Variants in SLC35F1 observed in about 807,000 individuals in gnomAD.
The protein encoded by SLC35F1 is chromosome 6 open reading frame 169.
SLC35F1 carries 14 observed loss-of-function variants against 48.7 expected under a neutral mutation model. The ratio of observed to expected loss-of-function variants is 0.29; its 90% CI spans 0.19 to 0.45. The LOEUF (loss-of-function observed/expected upper bound fraction) is 0.45, where lower values mean the gene tolerates loss of function less well. Among genes scored for constraint, SLC35F1 ranks in the 20% least tolerant of loss-of-function variants. The pLI, the probability that SLC35F1 is intolerant of heterozygous loss-of-function variation, is 1.00. For synonymous variants in SLC35F1, 190 were observed against 202.2 expected, an observed-to-expected ratio of 0.94 and a Z score of 0.51; for missense variants, 404 against 500.0, an observed-to-expected ratio of 0.81 and a Z score of 1.83.
At chr6:117,938,077 T>C (rs774177990) in intron 1 of SLC35F1, among the ~76,000 whole-genome samples, 5 of 152,156 alleles carry the variant, frequency 3.3e-5, no homozygotes, top group Non-Finnish European at 4.4e-5. Context: ...CCTGCTGAAA[T>C]CAGGCCTTAG....
At chr6:118,258,223 A>AT (rs1445905965) in intron 3 of SLC35F1, among the ~76,000 whole-genome samples, 1 of 152,152 alleles carries the variant, frequency 6.6e-6, no homozygotes, top group East Asian at 1.9e-4. Flanking sequence ...AACTCAGAAA[A>AT]GCTAACAGTA....
intron 3 of SLC35F1, among the ~76,000 whole-genome samples, chr6:118,260,826 C>A (rs1242428189): frequency 2.6e-5 from 4 of 152,154 alleles, no homozygotes; most frequent in Non-Finnish European, 5.9e-5. Flanking sequence ...TTTCATTTAA[C>A]CTATTTCTTC....
At chr6:118,290,418 A>G (rs1582772684) in intron 7 of SLC35F1, among the ~76,000 whole-genome samples, 1 of 151,944 alleles carries the variant, frequency 6.6e-6, no homozygotes, top group South Asian at 2.1e-4. Flanking sequence ...CTTCATTCTC[A>G]TTGTACTTAA....
intron 2 of SLC35F1, among the ~76,000 whole-genome samples, chr6:118,182,519 A>AGAAGGAAGGAAGGAAGGAAG (rs10529265): frequency 0.11 from 11,631 of 106,128 alleles, 1,149 homozygotes; most frequent in Admixed American, 0.19. Context: ...AGAGAGAGAG[A>AGAAGGAAGGAAGGAAGGAAG]GAAGGAAGGA....
intron 7 of SLC35F1, among the ~76,000 whole-genome samples, chr6:118,295,293 T>C (rs1468823373): frequency 6.6e-6 from 1 of 152,198 alleles, no homozygotes; most frequent in Non-Finnish European, 1.5e-5. Flanking sequence ...TCTGTACCTG[T>C]TATGTGCCAG....
chr6:117,932,031 C>T (rs918854144), intron 1 of SLC35F1, among the ~76,000 whole-genome samples: 1 of 152,160 alleles, frequency 6.6e-6, no homozygotes, highest in African/African-American at 2.4e-5. Flanking sequence ...CTGCCCTCAT[C>T]AATGGCATTG....
chr6:118,140,988 G>A (rs1024490001), intron 1 of SLC35F1, among the ~76,000 whole-genome samples: 1 of 152,074 alleles, frequency 6.6e-6, no homozygotes, highest in Non-Finnish European at 1.5e-5. Context: ...AGTTTATAAG[G>A]TAAGAAAGAT....
intron 3 of SLC35F1, among the ~76,000 whole-genome samples, chr6:118,250,367 T>C (rs1002340380): frequency 1.3e-5 from 2 of 152,186 alleles, no homozygotes; most frequent in African/African-American, 4.8e-5. Flanking sequence ...ACAGAAGGTG[T>C]TCCATAAATA....
chr6:118,080,581 A>G (rs1772893184), intron 1 of SLC35F1, among the ~76,000 whole-genome samples: 1 of 152,218 alleles, frequency 6.6e-6, no homozygotes, highest in Non-Finnish European at 1.5e-5. Context: ...CTGTGTGATT[A>G]TTGATTTCTG....
chr6:118,297,451 G>A (rs1776200161), intron 7 of SLC35F1, among the ~76,000 whole-genome samples: 1 of 151,938 alleles, frequency 6.6e-6, no homozygotes, highest in African/African-American at 2.4e-5. Context: ...TGCGAAAGCA[G>A]ATGGTCATCA....
chr6:118,214,090 A>G (rs1260458739), intron 2 of SLC35F1, among the ~76,000 whole-genome samples: 1 of 152,210 alleles, frequency 6.6e-6, no homozygotes. Context: ...GTTCACTACT[A>G]TGACACAAGA....
At chr6:118,175,286 T>A (rs938279024) in intron 2 of SLC35F1, among the ~76,000 whole-genome samples, 1 of 152,152 alleles carries the variant, frequency 6.6e-6, no homozygotes, top group African/African-American at 2.4e-5. Context: ...TCCACTTTCC[T>A]TGATCTCATT....
intron 2 of SLC35F1, among the ~76,000 whole-genome samples, chr6:118,218,254 C>A (rs970215729): frequency 3.3e-5 from 5 of 152,182 alleles, no homozygotes; most frequent in African/African-American, 1.2e-4. Flanking sequence ...CACCTGTTCA[C>A]AGTCAAGTTT....
intron 6 of SLC35F1, among the ~76,000 whole-genome samples, chr6:118,281,615 ATTC>A (rs1271999102): frequency 1.3e-5 from 2 of 152,106 alleles, no homozygotes; most frequent in Non-Finnish European, 2.9e-5. Flanking sequence ...CTCCTCTGTG[ATTC>A]TACCCCTGCT....
At chr6:118,020,233 T>C (rs1423069994) in intron 1 of SLC35F1, among the ~76,000 whole-genome samples, 1 of 152,230 alleles carries the variant, frequency 6.6e-6, no homozygotes, top group Middle Eastern at 3.2e-3. Context: ...ACAGACATGA[T>C]ATTCTTCATC....
intron 1 of SLC35F1, among the ~76,000 whole-genome samples, chr6:118,139,855 G>A (rs1773856937): frequency 6.6e-6 from 1 of 152,198 alleles, no homozygotes; most frequent in Admixed American, 6.5e-5. Flanking sequence ...TATCAAAGGA[G>A]CATTAAATGG....
At chr6:118,039,697 A>G (rs1377607201) in intron 1 of SLC35F1, among the ~76,000 whole-genome samples, 1 of 150,692 alleles carries the variant, frequency 6.6e-6, no homozygotes, top group Admixed American at 6.6e-5. Flanking sequence ...TGGTCTCCTG[A>G]GATTTCCTTT....
intron 1 of SLC35F1, among the ~76,000 whole-genome samples, chr6:118,129,329 A>G (rs1773676134): frequency 6.8e-6 from 1 of 146,426 alleles, no homozygotes; most frequent in Admixed American, 6.7e-5. Context: ...TGGGAATACG[A>G]AGAAGCAGGC....
At chr6:118,206,718 C>A (rs1378368525) in intron 2 of SLC35F1, among the ~76,000 whole-genome samples, 4 of 152,062 alleles carry the variant, frequency 2.6e-5, no homozygotes, top group African/African-American at 7.2e-5. Context: ...ACATTGCCAC[C>A]TTTTGTATCA....
Sources: gnomAD v4.1 joint callset for allele counts (sites outside exome capture counted in the v4.1 genomes callset) on GRCh38, gnomAD v4.1.1 for gene constraint, MANE v1.5 for transcripts, NCBI Gene and HGNC (gene_info 2026-07-23, HGNC 2026-07-21) for gene names.